The following SPAG16 variants were observed in gnomAD, a reference collection of about 807,000 sequenced individuals.
SPAG16 encodes the protein sperm associated antigen 16, also known as sperm-associated antigen 16 protein.
Under a neutral mutation model 80.4 loss-of-function variants are expected in SPAG16, and 86 were observed. The observed-to-expected ratio is 1.07, with a 90% confidence interval of 0.90 to 1.28. The LOEUF (loss-of-function observed/expected upper bound fraction) is 1.28. SPAG16 is among the 50% of genes most tolerant of loss of function. SPAG16 has a pLI of 0.00. For synonymous variants in SPAG16, 294 were observed against 265.9 expected (o/e 1.11, Z -1.03); for missense variants, 870 against 765.3 (o/e 1.14, Z -1.61).
At chr2:213,811,466 G>A (rs1295047058) in intron 10 of SPAG16, among the ~76,000 whole-genome samples, 1 of 152,108 alleles carries the variant, frequency 6.6e-6, no homozygotes, top group African/African-American at 2.4e-5. Flanking sequence ...TGGAAGACTG[G>A]TGTGCTGGCA....
At chr2:213,508,531 C>T (rs1256286256) in intron 10 of SPAG16, among the ~76,000 whole-genome samples, 1 of 152,098 alleles carries the variant, frequency 6.6e-6, no homozygotes, top group Non-Finnish European at 1.5e-5. Flanking sequence ...GAGATTGCGC[C>T]ACTGCAGTCT....
intron 9 of SPAG16, among the ~76,000 whole-genome samples, chr2:213,468,806 C>G (rs1196439518): frequency 6.6e-6 from 1 of 151,398 alleles, no homozygotes; most frequent in Admixed American, 6.6e-5. Context: ...CAAGGTCTCA[C>G]AACAGGCCAT....
intron 11 of SPAG16, among the ~76,000 whole-genome samples, chr2:213,915,480 A>T (rs2077913638): frequency 1.3e-5 from 2 of 152,142 alleles, no homozygotes; most frequent in African/African-American, 4.8e-5. Flanking sequence ...ATGGCTGCAT[A>T]GTATTCCATG....
At chr2:213,879,632 C>T (rs1487014754) in intron 11 of SPAG16, among the ~76,000 whole-genome samples, 1 of 151,704 alleles carries the variant, frequency 6.6e-6, no homozygotes, top group Non-Finnish European at 1.5e-5. Context: ...ATGACCTTCT[C>T]CCTCCCTCCC....
intron 8 of SPAG16, among the ~76,000 whole-genome samples, chr2:213,372,878 G>C (rs746261731): frequency 1.3e-5 from 2 of 152,198 alleles, no homozygotes; most frequent in Middle Eastern, 3.4e-3. Flanking sequence ...ATGTCTTTCT[G>C]ATATTTATCC....
At chr2:213,703,630 G>A (rs1185839336) in intron 10 of SPAG16, among the ~76,000 whole-genome samples, 3 of 152,090 alleles carry the variant, frequency 2.0e-5, no homozygotes, top group Non-Finnish European at 4.4e-5. Flanking sequence ...CCCCTTTCAA[G>A]AAAAGACTCA....
chr2:213,943,673 A>G (rs1215854180), intron 12 of SPAG16, among the ~76,000 whole-genome samples: 1 of 152,200 alleles, frequency 6.6e-6, no homozygotes, highest in Non-Finnish European at 1.5e-5. Context: ...TGCTTATAGT[A>G]AAGTGTGATG....
Position 213,862,513 on chromosome 2 carries a change from C to T in SPAG16, c.1099C>T (p.Leu367=), listed in dbSNP as rs2075515439. The change falls in exon 11 of 16, where the codon CTA becomes TTA. Residue 367 remains leucine, a synonymous_variant. Transcript: ENST00000331683. ...CVSMQPHKDI[L]VSCGEDRLWK... ...CTCCATGCAACCCCACAAAGACATC[C>T]TAGTCTCCTGTGGCGAGGACCGACT... 2 of 1,614,122 alleles carry T rather than the reference C, an allele frequency of 1.2e-6. No individual in the cohort carries two copies. Among genetic ancestry groups the T allele is most frequent in the East Asian group, 2.2e-5 (1 of 44,876 alleles).
intron 11 of SPAG16, among the ~76,000 whole-genome samples, chr2:213,864,591 T>C (rs958967669): frequency 1.3e-5 from 2 of 152,126 alleles, no homozygotes; most frequent in Admixed American, 6.5e-5. Context: ...AAGACACATA[T>C]ACTTTTTCTT....
intron 15 of SPAG16, among the ~76,000 whole-genome samples, chr2:214,289,718 T>C (rs1278737773): frequency 6.6e-6 from 1 of 152,130 alleles, no homozygotes; most frequent in East Asian, 1.9e-4. Context: ...TCTTGCTCTT[T>C]TTTGGTTTGA....
intron 1 of SPAG16, among the ~76,000 whole-genome samples, chr2:213,288,588 G>A (rs2062146373): frequency 1.3e-5 from 2 of 152,002 alleles, no homozygotes; most frequent in Admixed American, 1.3e-4. Context: ...TGGGATTACA[G>A]GTGTGAGCCA....
At chr2:214,195,142 C>G (rs77047484) in intron 15 of SPAG16, among the ~76,000 whole-genome samples, 7,603 of 151,920 alleles carry the variant, frequency 0.05, 228 homozygotes, top group Middle Eastern at 0.078. Flanking sequence ...GAATAGTCTG[C>G]CAGGAAAACA....
intron 14 of SPAG16, among the ~76,000 whole-genome samples, chr2:214,138,275 A>C (rs2055166371): frequency 1.3e-5 from 2 of 152,084 alleles, no homozygotes. Flanking sequence ...AGATACTGGG[A>C]GATACATGAG....
Position 214,035,086 on chromosome 2 carries a change from CACA to C in SPAG16, c.1527+21014_1527+21016del, listed in dbSNP as rs1232578881. Among the ~76,000 whole-genome samples, 14 of 152,254 alleles carry C rather than the reference CACA, an allele frequency of 9.2e-5. No individual in the cohort carries two copies. The South Asian group carries it at 1.7e-3, about 18-fold the overall frequency. On this transcript the variant is annotated intron_variant, in intron 13 of 15. Coordinates refer to ENST00000331683, the MANE Select transcript of SPAG16 (RefSeq NM_024532.5). Reference sequence around the variant, plus strand: ...TAGCTACTCTCCACAGCTAGGGTGTCACAACAAGTATTCAGCTCTCTGCAGAGA... The same window carrying C: ...TAGCTACTCTCCACAGCTAGGGTGTCACAAGTATTCAGCTCTCTGCAGAGA...
At chr2:213,832,838 A>T (rs1221723920) in intron 10 of SPAG16, among the ~76,000 whole-genome samples, 1 of 152,120 alleles carries the variant, frequency 6.6e-6, no homozygotes, top group Admixed American at 6.6e-5. Flanking sequence ...GATTAAATAA[A>T]TTTGCCATGC....
At chr2:213,901,205 G>A (rs1338798568) in intron 11 of SPAG16, among the ~76,000 whole-genome samples, 1 of 152,072 alleles carries the variant, frequency 6.6e-6, no homozygotes, top group African/African-American at 2.4e-5. Context: ...TAAAAGCCAA[G>A]AGTTTTCTAA....
chr2:214,109,233 A>C (rs979128715), intron 14 of SPAG16, among the ~76,000 whole-genome samples: 2 of 152,158 alleles, frequency 1.3e-5, no homozygotes, highest in African/African-American at 2.4e-5. Flanking sequence ...CTGTAATAGC[A>C]ACAGAAAATG....
chr2:213,354,805 G>A (rs113534947), intron 7 of SPAG16, among the ~76,000 whole-genome samples: 1 of 152,008 alleles, frequency 6.6e-6, no homozygotes, highest in Non-Finnish European at 1.5e-5. Flanking sequence ...TTCTCCCATT[G>A]TGTAGGTTAC....
intron 10 of SPAG16, among the ~76,000 whole-genome samples, chr2:213,562,826 G>A (rs1468820033): frequency 1.3e-5 from 2 of 150,292 alleles, no homozygotes; most frequent in African/African-American, 4.9e-5. Context: ...GGTGAGGGCC[G>A]ATTTCATATT....
Sources: allele counts gnomAD v4.1 joint callset (sites outside exome capture counted in the v4.1 genomes callset), GRCh38; gene constraint gnomAD v4.1.1; transcripts MANE v1.5; gene names NCBI Gene and HGNC (gene_info 2026-07-23, HGNC 2026-07-21).